P4HA2: variants seen among roughly 807,000 people sequenced by gnomAD.
The protein encoded by P4HA2 is prolyl 4-hydroxylase subunit alpha 2, also known as prolyl 4-hydroxylase subunit alpha-2.
Under a neutral mutation model 76.9 loss-of-function variants are expected in P4HA2, and 46 were observed. That is an observed-to-expected ratio of 0.60 (90% CI 0.47 to 0.76). The LOEUF (loss-of-function observed/expected upper bound fraction) is 0.76, where lower values mean the gene tolerates loss of function less well. Among genes scored for constraint, P4HA2 ranks in the 30% least tolerant of loss-of-function variants. The pLI, the probability that P4HA2 is intolerant of heterozygous loss-of-function variation, is 0.00. For missense variants in P4HA2, 583 were observed against 669.4 expected, an observed-to-expected ratio of 0.87 and a Z score of 1.42; for synonymous variants, 243 against 254.0, an observed-to-expected ratio of 0.96 and a Z score of 0.41.
intron 8 of P4HA2, 33 bp downstream of exon 8, chr5:132,207,675 A>G: frequency 1.9e-6 from 3 of 1,592,664 alleles, no homozygotes; most frequent in Non-Finnish European, 1.7e-6. Flanking sequence ...TTCCCCCTTC[A>G]GTGACCCGAG....
intron 9 of P4HA2, 95 bp from the exon 10 acceptor site, chr5:132,203,942 A>T: frequency 8.6e-7 from 1 of 1,158,428 alleles, no homozygotes. Flanking sequence ...CAGCATGAAC[A>T]GGCAGTACAG....
intron 5 of P4HA2, among the ~76,000 whole-genome samples, chr5:132,213,607 G>A (rs1239421332): frequency 2.0e-5 from 3 of 152,222 alleles, no homozygotes; most frequent in Admixed American, 2.0e-4. Flanking sequence ...TGGGAGACAA[G>A]AAGCAGGTCT....
Position 132,225,691 on chromosome 5 carries a change from A to C in P4HA2, c.-19+2099T>G, listed in dbSNP as rs111707907. 1.7e-3 allele frequency among the ~76,000 whole-genome samples: 255 copies of C among 152,316 alleles called. 1 individual carries two copies. Among genetic ancestry groups the C allele is most frequent in the African/African-American group, 5.7e-3 (237 of 41,564 alleles). ...GGCACGCTCCAGTCAGAAGCCAAACAGGCAGAAGGCACTCAAGGGATGAAC... is the reference window on the plus strand; with the variant it reads ...GGCACGCTCCAGTCAGAAGCCAAACCGGCAGAAGGCACTCAAGGGATGAAC... On this transcript the variant is annotated intron_variant, in intron 1 of 14. Transcript: ENST00000360568.
At chr5:132,202,803 G>C (rs1226183380) in intron 10 of P4HA2, 1 of 152,214 alleles carries the variant, frequency 6.6e-6, no homozygotes, top group African/African-American at 2.4e-5. Context: ...GGGAGTACTT[G>C]GACAAGAACA....
Position 132,195,432 on chromosome 5 carries a change from C to A in P4HA2, c.1414G>T (p.Ala472Ser), listed in dbSNP as rs1254824080. The change falls in exon 13 of 15, where the codon GCT (alanine) becomes TCT (serine). Residue 472 changes from alanine to serine, a missense_variant. Physicochemically the swap from Ala to Ser is moderately conservative, Grantham distance 99. Coordinates refer to ENST00000360568, the MANE Select transcript of P4HA2 (RefSeq NM_001017974.2). ...GGATVFPDLG[A>S]AIWPKKGTAV... ...CTTACCTTCTTAGGCCAAATTGCAG[C>A]CCCCAGATCAGGGAAGACGGTGGCA... 2 of 1,612,454 alleles carry A rather than the reference C, an allele frequency of 1.2e-6. No individual in the cohort carries two copies.
intron 5 of P4HA2, among the ~76,000 whole-genome samples, chr5:132,213,488 C>T (rs1753383505): frequency 1.3e-5 from 2 of 152,056 alleles, no homozygotes; most frequent in Admixed American, 6.6e-5. Context: ...AAGGGTAGAA[C>T]CCAGAGAGGT....
chr5:132,207,857 A>G lies in P4HA2; in HGVS notation c.931T>C (p.Cys311Arg), dbSNP rs956509984. 1.3e-6 allele frequency: 2 copies of G among 1,595,196 alleles called. No individual in the cohort carries two copies. Among genetic ancestry groups the G allele is most frequent in the Non-Finnish European group, 1.7e-6 (2 of 1,171,280 alleles). Residue 311 changes from cysteine to arginine, a missense_variant, in exon 8 of 15, where the codon TGT (cysteine) becomes CGT (arginine). Cys to Arg is a radical substitution (Grantham distance 180). Coordinates refer to ENST00000360568, the MANE Select transcript of P4HA2 (RefSeq NM_001017974.2). ...GCCCTGTTGCCATGGTGGTACCTACAGAAAAGCCTCTTCTGTCTACGGGGT... is the reference window on the plus strand; with the variant it reads ...GCCCTGTTGCCATGGTGGTACCTACGGAAAAGCCTCTTCTGTCTACGGGGT... ...LTPRRQKRLF[C>R]RYHHGNRAPQ...
chr5:132,213,973 T>C lies in P4HA2; in HGVS notation c.412A>G (p.Arg138Gly). Residue 138 changes from arginine (R) to glycine (G), a missense_variant, in exon 5 of 15, where the codon AGA (arginine) becomes GGA (glycine). By Grantham distance (125) the Arg-to-Gly change is moderately radical. Coordinates refer to ENST00000360568, the MANE Select transcript of P4HA2 (RefSeq NM_001017974.2). ...TCCAGCCTGTATGTGTCCTGAAGTC[T>C]CATCAGGGCTTTGGCAGCTCCTATC... ...DEIGAAKALM[R>G]LQDTYRLDPG... The C allele has an allele frequency of 6.2e-7, 1 of 1,613,652 alleles. No homozygotes were observed. Among genetic ancestry groups the C allele is most frequent in the Non-Finnish European group, 8.5e-7 (1 of 1,179,514 alleles).
At chr5:132,194,368 C>T (rs965675453) in intron 14 of P4HA2, among the ~76,000 whole-genome samples, 1 of 152,216 alleles carries the variant, frequency 6.6e-6, no homozygotes, top group South Asian at 2.1e-4. Flanking sequence ...TCCTTACAAA[C>T]ACTTCCTGTC....
At chr5:132,209,554 G>A (rs1240668426) in intron 6 of P4HA2, among the ~76,000 whole-genome samples, 1 of 152,058 alleles carries the variant, frequency 6.6e-6, no homozygotes, top group Non-Finnish European at 1.5e-5. Context: ...AGGCCGAGGC[G>A]GGTGGATCAC....
intron 5 of P4HA2, among the ~76,000 whole-genome samples, chr5:132,213,319 T>A (rs1309460268): frequency 6.6e-6 from 1 of 152,094 alleles, no homozygotes; most frequent in Non-Finnish European, 1.5e-5. Context: ...TTCAGGAGTA[T>A]ATGGGAACCA....
intron 1 of P4HA2, among the ~76,000 whole-genome samples, chr5:132,225,252 A>G (rs1230210294): frequency 1.3e-5 from 2 of 152,126 alleles, no homozygotes; most frequent in Non-Finnish European, 2.9e-5. Flanking sequence ...CTGGGCTTGC[A>G]TGTACTTGCA....
In P4HA2 at chr5:132,210,357, G is replaced by A. The variant is rs1752904431; in HGVS notation, c.636C>T (p.Tyr212=). 5 of 1,614,000 alleles carry A rather than the reference G, an allele frequency of 3.1e-6. No homozygotes were observed. In the South Asian group the frequency reaches 4.4e-5, roughly 14 times the overall value. The change falls in exon 6 of 15, where the codon TAC becomes TAT. Residue 212 remains tyrosine (Y), a synonymous_variant. Transcript: ENST00000360568. Reference sequence around the variant, plus strand: ...CCAACTGGAAGACAGCATAGCTGAGGTAGTCCAGCACCTGTGACTTGGTTG... The same window carrying A: ...CCAACTGGAAGACAGCATAGCTGAGATAGTCCAGCACCTGTGACTTGGTTG... ...ATTTKSQVLD[Y]LSYAVFQLGD...
chr5:132,217,525 A>G, intron 3 of P4HA2, 177 bp from the exon 4 acceptor site: 2 of 650,244 alleles, frequency 3.1e-6, no homozygotes, highest in South Asian at 3.8e-5. Context: ...AATCTAGATA[A>G]CAGCTGGGAC....
chr5:132,210,574 G>A, intron 5 of P4HA2, 51 bp from the exon 6 acceptor site: 1 of 1,604,886 alleles, frequency 6.2e-7, no homozygotes, highest in African/African-American at 1.3e-5. Context: ...CTGGATTAGG[G>A]AAAGAGATTC....
rs1749844102 is a variant in P4HA2 at position 132,190,846 on chromosome 5, GAAT to G, written c.*2161_*2163del. The stretch of plus-strand genomic sequence containing the variant: ...TGTGTACATATTTTAAAATTTGTAT[GAAT>G]AAGAACACTTGAAGAAACCTAATAA... On this transcript the variant is annotated 3_prime_UTR_variant, in exon 15 of 15. Coordinates refer to ENST00000360568, the MANE Select transcript of P4HA2 (RefSeq NM_001017974.2). 3.9e-5 allele frequency among the ~76,000 whole-genome samples: 6 copies of G among 152,278 alleles called. No individual in the cohort carries two copies. In the South Asian group the frequency reaches 1.2e-3, roughly 32 times the overall value.
At position 132,190,270 on chromosome 5, in the gene P4HA2, T is replaced by G. The variant is rs1749794558; in HGVS notation, c.*2740A>C. ...ACAAACAAACCACCTAGTGTGCCAG[T>G]CACGTTTCTATTCTCAGCTGCAAGC... On this transcript the variant is annotated 3_prime_UTR_variant, in exon 15 of 15. Transcript: ENST00000360568. 6.6e-6 allele frequency among the ~76,000 whole-genome samples: 1 copy of G among 152,212 alleles called. No homozygotes were observed. The highest frequency in any genetic ancestry group is 2.4e-5 in the African/African-American group (1 of 41,468).
rs930082074 is a variant in P4HA2 at position 132,192,614 on chromosome 5, A to G, written c.*396T>C. The G allele has an allele frequency of 1.2e-5, 2 of 161,216 alleles. No individual in the cohort carries two copies. The highest frequency in any genetic ancestry group is 4.8e-5 in the African/African-American group (2 of 41,828). The allele number at this position is 161,216 out of a possible 1,614,324, so 10.0% of individuals were successfully genotyped here. On this transcript the variant is annotated 3_prime_UTR_variant, in exon 15 of 15. Coordinates refer to ENST00000360568, the MANE Select transcript of P4HA2 (RefSeq NM_001017974.2). ...AAAATACTCCAAGTAAGGCTCTTTAAGGCTTCTGGTAGGGACATTTTATTT... is the reference window on the plus strand; with the variant it reads ...AAAATACTCCAAGTAAGGCTCTTTAGGGCTTCTGGTAGGGACATTTTATTT...
intron 11 of P4HA2, 72 bp from the exon 12 acceptor site, chr5:132,198,452 A>G: frequency 1.4e-6 from 2 of 1,381,218 alleles, no homozygotes; most frequent in Non-Finnish European, 2.0e-6. Context: ...TAGGACCAAA[A>G]GGGTCAGGGA....
Sources: allele counts gnomAD v4.1 joint callset (sites outside exome capture counted in the v4.1 genomes callset), GRCh38; gene constraint gnomAD v4.1.1; transcripts MANE v1.5; gene names NCBI Gene and HGNC (gene_info 2026-07-23, HGNC 2026-07-21).